Variants in STPG2 observed in about 807,000 individuals in gnomAD.
STPG2 encodes sperm-tail PG-rich repeat-containing protein 2.
STPG2 carries 56 observed loss-of-function variants against 54.2 expected under a neutral mutation model. The ratio of observed to expected loss-of-function variants is 1.03; its 90% CI spans 0.83 to 1.29. The LOEUF (loss-of-function observed/expected upper bound fraction) is 1.29. STPG2 is among the 50% of genes most tolerant of loss of function. The pLI, the probability that STPG2 is intolerant of heterozygous loss-of-function variation, is 0.00. For synonymous variants in STPG2, 200 were observed against 181.8 expected, an observed-to-expected ratio of 1.10 and a Z score of -0.81; for missense variants, 596 against 544.9, an observed-to-expected ratio of 1.09 and a Z score of -0.93.
At chr4:97,801,977 G>A (rs61305555) in intron 9 of STPG2, among the ~76,000 whole-genome samples, 24,508 of 152,112 alleles carry the variant, frequency 0.16, 2,141 homozygotes, top group East Asian at 0.36. Flanking sequence ...GCATGCATTA[G>A]AATCACCAGG....
At chr4:97,750,598 T>C (rs754822015) in intron 9 of STPG2, among the ~76,000 whole-genome samples, 5 of 151,788 alleles carry the variant, frequency 3.3e-5, no homozygotes, top group Non-Finnish European at 7.4e-5. Context: ...CAACCACCTG[T>C]TGCAGCAGTA....
chr4:98,018,942 C>A (rs1473342627), intron 5 of STPG2, among the ~76,000 whole-genome samples: 1 of 151,628 alleles, frequency 6.6e-6, no homozygotes, highest in Non-Finnish European at 1.5e-5. Context: ...GAGTAGGTTG[C>A]GAAAATTTTC....
At chr4:98,021,555 T>C (rs1234639114) in intron 5 of STPG2, among the ~76,000 whole-genome samples, 13 of 152,118 alleles carry the variant, frequency 8.5e-5, no homozygotes, top group South Asian at 2.1e-4. Flanking sequence ...GAGCTGAGTT[T>C]AATTCCTGGG....
chr4:97,726,811 CAT>C (rs57793806), intron 9 of STPG2, among the ~76,000 whole-genome samples: 4,152 of 150,926 alleles, frequency 0.028, 188 homozygotes, highest in African/African-American at 0.095. Context: ...ATAATACAAA[CAT>C]ACACACACAC....
intron 8 of STPG2, among the ~76,000 whole-genome samples, chr4:97,885,834 A>G (rs1481452883): frequency 1.3e-5 from 2 of 152,222 alleles, no homozygotes; most frequent in Non-Finnish European, 2.9e-5. Flanking sequence ...AATCAAAATT[A>G]GCAAAACTCA....
At chr4:98,039,469 GTA>G (rs35807856) in intron 5 of STPG2, among the ~76,000 whole-genome samples, 33,982 of 115,072 alleles carry the variant, frequency 0.3, 5,389 homozygotes, top group Middle Eastern at 0.35. Context: ...TTTCTTTTGT[GTA>G]TATATATATA....
rs776762198 is a variant in STPG2 at position 98,109,255 on chromosome 4, A to C, written c.438T>G (p.Ser146=). The C allele has an allele frequency of 6.2e-7, 1 of 1,611,378 alleles. No homozygotes were observed. The highest frequency in any genetic ancestry group is 1.3e-5 in the African/African-American group (1 of 74,806). The part of the protein sequence containing the change: ...LKYKGIHFGN[S]SGRQELPKKS... Reference sequence around the variant, plus strand: ...TTTTAGGTAACTCTTGTCTTCCTGAAGAGTTGCCAAAATGTATACCTTTGT... The same window carrying C: ...TTTTAGGTAACTCTTGTCTTCCTGACGAGTTGCCAAAATGTATACCTTTGT... The change falls in exon 4 of 11, where the codon TCT becomes TCG. Residue 146 remains serine (S), a synonymous_variant. Transcript: ENST00000295268.
chr4:97,700,941 A>G (rs1723752492), intron 10 of STPG2, among the ~76,000 whole-genome samples: 1 of 152,230 alleles, frequency 6.6e-6, no homozygotes, highest in African/African-American at 2.4e-5. Context: ...CACTTGATTA[A>G]GCTTATAATA....
intron 9 of STPG2, among the ~76,000 whole-genome samples, chr4:97,783,172 A>C (rs1006117692): frequency 1.3e-5 from 2 of 152,240 alleles, no homozygotes; most frequent in Admixed American, 1.3e-4. Context: ...AATTTTTGCA[A>C]TCTACTCATC....
intron 9 of STPG2, among the ~76,000 whole-genome samples, chr4:97,774,599 C>A (rs968542749): frequency 6.6e-6 from 1 of 152,064 alleles, no homozygotes; most frequent in Admixed American, 6.5e-5. Flanking sequence ...CACAACTTCA[C>A]TGCTGTCTTT....
chr4:97,935,286 G>A (rs970540387), intron 8 of STPG2, among the ~76,000 whole-genome samples: 1 of 152,014 alleles, frequency 6.6e-6, no homozygotes, highest in Admixed American at 6.6e-5. Flanking sequence ...TTGCCCAGAA[G>A]TTAATGAAGT....
intron 8 of STPG2, among the ~76,000 whole-genome samples, chr4:97,934,643 T>A (rs1215330544): frequency 6.6e-6 from 1 of 152,232 alleles, no homozygotes; most frequent in Non-Finnish European, 1.5e-5. Flanking sequence ...TTAGTTCTGA[T>A]TATGTGATGA....
intron 4 of STPG2, among the ~76,000 whole-genome samples, chr4:97,533,241 CAT>C (rs1433414011): frequency 6.6e-6 from 1 of 151,918 alleles, no homozygotes; most frequent in Non-Finnish European, 1.5e-5. Flanking sequence ...CAAAAAAGCA[CAT>C]GTTAGGGACT....
chr4:97,749,707 G>A (rs1270166002), intron 9 of STPG2, among the ~76,000 whole-genome samples: 1 of 151,750 alleles, frequency 6.6e-6, no homozygotes, highest in Admixed American at 6.6e-5. Flanking sequence ...TGCACATGGA[G>A]AACAAACTGT....
chr4:97,741,910 C>G (rs900036083), intron 9 of STPG2, among the ~76,000 whole-genome samples: 29 of 152,102 alleles, frequency 1.9e-4, no homozygotes, highest in African/African-American at 7.0e-4. Context: ...AAGACACATG[C>G]ACACGTATGT....
intron 5 of STPG2, among the ~76,000 whole-genome samples, chr4:98,032,414 TA>T: frequency 6.6e-6 from 1 of 151,674 alleles, no homozygotes; most frequent in Admixed American, 6.6e-5. Flanking sequence ...TATGAAAAAA[TA>T]AAAAATTTTA....
chr4:97,513,359 T>C (rs1731012211), intron 4 of STPG2, among the ~76,000 whole-genome samples: 1 of 152,088 alleles, frequency 6.6e-6, no homozygotes, highest in Non-Finnish European at 1.5e-5. Flanking sequence ...ATAGGCATGA[T>C]TGATTGATTT....
chr4:97,710,075 A>T (rs187163974), intron 10 of STPG2, among the ~76,000 whole-genome samples: 4 of 151,792 alleles, frequency 2.6e-5, no homozygotes, highest in African/African-American at 4.8e-5. Flanking sequence ...TTGAAATTAT[A>T]AGTGAACTTT....
intron 4 of STPG2, among the ~76,000 whole-genome samples, chr4:97,493,153 A>G (rs1730536923): frequency 6.6e-6 from 1 of 151,092 alleles, no homozygotes; most frequent in African/African-American, 2.4e-5. Context: ...GTATAGAAAG[A>G]GTAAAACGTC....
Sources: gnomAD v4.1 joint callset for allele counts (sites outside exome capture counted in the v4.1 genomes callset) on GRCh38, gnomAD v4.1.1 for gene constraint, MANE v1.5 for transcripts, NCBI Gene and HGNC (gene_info 2026-07-23, HGNC 2026-07-21) for gene names.